The following SHANK2 variants were observed in gnomAD, a reference collection of about 807,000 sequenced individuals.
SHANK2 encodes SH3 and multiple ankyrin repeat domains 2, also known as SH3 and multiple ankyrin repeat domains protein 2.
SHANK2 carries 43 observed loss-of-function variants against 133.7 expected under a neutral mutation model. The ratio of observed to expected loss-of-function variants is 0.32; its 90% CI spans 0.25 to 0.41. The LOEUF is 0.41. SHANK2 is among the 10% of genes least tolerant of loss of function. The pLI, the probability that SHANK2 is intolerant of heterozygous loss-of-function variation, is 1.00. For synonymous variants in SHANK2, 1,017 were observed against 952.8 expected (o/e 1.07, Z -1.24); for missense variants, 1,994 against 2,235.8 (o/e 0.89, Z 2.18).
At chr11:70,806,964 C>A (rs1415763448) in intron 13 of SHANK2, 38 bp downstream of exon 13, 2 of 707,678 alleles carry the variant, frequency 2.8e-6, no homozygotes, top group Admixed American at 4.2e-5. Context: ...CCAGCCTGAC[C>A]TCACTCCAGG....
chr11:70,685,029 C>T (rs1047033735), intron 15 of SHANK2, among the ~76,000 whole-genome samples: 1 of 152,142 alleles, frequency 6.6e-6, no homozygotes, highest in East Asian at 1.9e-4. Flanking sequence ...CTGACCCCAA[C>T]ACCACCTTAG....
chr11:70,876,478 T>C (rs1460148315), intron 11 of SHANK2, among the ~76,000 whole-genome samples: 1 of 150,892 alleles, frequency 6.6e-6, no homozygotes, highest in African/African-American at 2.4e-5. Flanking sequence ...GAAGATGGCA[T>C]GAACCCGGGA....
chr11:71,162,756 C>A (rs1953046348), intron 2 of SHANK2, among the ~76,000 whole-genome samples: 1 of 152,088 alleles, frequency 6.6e-6, no homozygotes, highest in Non-Finnish European at 1.5e-5. Flanking sequence ...CTGATGAGAA[C>A]AAGTGGCAGT....
At chr11:70,833,671 C>G (rs1443815074) in intron 11 of SHANK2, among the ~76,000 whole-genome samples, 1 of 152,276 alleles carries the variant, frequency 6.6e-6, no homozygotes, top group African/African-American at 2.4e-5. Flanking sequence ...ATACTGGGTG[C>G]AGTACTTACG....
At chr11:70,902,164 C>T (rs115256069) in intron 10 of SHANK2, among the ~76,000 whole-genome samples, 3,558 of 152,304 alleles carry the variant, frequency 0.023, 132 homozygotes, top group African/African-American at 0.078. Context: ...GGCGGCCACC[C>T]GGGCAGTGTC....
chr11:70,533,189 T>C (rs575613952), intron 17 of SHANK2, among the ~76,000 whole-genome samples: 17 of 152,358 alleles, frequency 1.1e-4, no homozygotes, highest in African/African-American at 3.8e-4. Context: ...CACCCTGTGA[T>C]TGTGTCGAAT....
rs1951481723 is a variant in SHANK2, at chr11:71,090,168, C to G, written c.912+2254G>C. Among the ~76,000 whole-genome samples, 9 of 114,836 alleles carry G rather than the reference C, an allele frequency of 7.8e-5. No homozygotes were observed. The South Asian group carries it at 2.8e-3, about 36-fold the overall frequency. 75.3% of individuals were successfully genotyped at this position (114,836 alleles called of 152,430 possible). On this transcript the variant is annotated intron_variant, in intron 8 of 25. Coordinates refer to ENST00000601538, the MANE Select transcript of SHANK2 (RefSeq NM_012309.5). ...TCAGCCAGGGTTCTCCAGAGAAACACAACCTGTGTGTGTGTGTGTGTGTGT... is the reference window on the plus strand; with the variant it reads ...TCAGCCAGGGTTCTCCAGAGAAACAGAACCTGTGTGTGTGTGTGTGTGTGT...
chr11:70,675,745 A>C (rs1263321515), intron 15 of SHANK2, among the ~76,000 whole-genome samples: 1 of 152,200 alleles, frequency 6.6e-6, no homozygotes, highest in African/African-American at 2.4e-5. Context: ...GCTCTGTATC[A>C]AAAAATTTGA....
intron 1 of SHANK2, among the ~76,000 whole-genome samples, chr11:71,251,991 G>A (rs1168968675): frequency 1.3e-5 from 2 of 152,098 alleles, no homozygotes; most frequent in African/African-American, 4.8e-5. Flanking sequence ...TCCTAGGGCT[G>A]GCGGGCGGTG....
chr11:70,643,797 C>G (rs2061220852), intron 17 of SHANK2, among the ~76,000 whole-genome samples: 1 of 152,096 alleles, frequency 6.6e-6, no homozygotes, highest in Non-Finnish European at 1.5e-5. Flanking sequence ...AGTCTTTGCT[C>G]TCATAGAGTT....
intron 14 of SHANK2, among the ~76,000 whole-genome samples, chr11:70,708,860 T>C (rs1214911370): frequency 1.3e-5 from 2 of 151,986 alleles, no homozygotes; most frequent in African/African-American, 2.4e-5. Context: ...GAAGAGGGGA[T>C]TGAAAGGCCT....
At chr11:70,498,330 G>C (rs575280947) in intron 21 of SHANK2, among the ~76,000 whole-genome samples, 1 of 152,348 alleles carries the variant, frequency 6.6e-6, no homozygotes, top group South Asian at 2.1e-4. Context: ...TTGCCAGTTG[G>C]CCGGCCTCTT....
At chr11:70,745,051 C>T (rs781938854) in intron 14 of SHANK2, among the ~76,000 whole-genome samples, 9 of 152,222 alleles carry the variant, frequency 5.9e-5, no homozygotes, top group Admixed American at 1.3e-4. Context: ...GCAAACCTCT[C>T]AGCAAAAAGC....
intron 11 of SHANK2, among the ~76,000 whole-genome samples, chr11:70,879,836 G>A (rs1248887379): frequency 2.0e-5 from 3 of 152,204 alleles, no homozygotes; most frequent in South Asian, 2.1e-4. Flanking sequence ...TTCCAGGCCT[G>A]GAGAGCCAGG....
chr11:71,215,301 C>T (rs1346407209), intron 2 of SHANK2, among the ~76,000 whole-genome samples: 3 of 152,168 alleles, frequency 2.0e-5, no homozygotes, highest in Admixed American at 1.3e-4. Context: ...GTCCCCCTGC[C>T]CCCTGCGTCT....
At chr11:70,491,006 C>T (rs1352840798) in intron 22 of SHANK2, among the ~76,000 whole-genome samples, 1 of 152,214 alleles carries the variant, frequency 6.6e-6, no homozygotes, top group Non-Finnish European at 1.5e-5. Context: ...CCAGCTTCCT[C>T]CCTCTTCAGC....
chr11:70,747,096 C>T (rs58651330), intron 14 of SHANK2, among the ~76,000 whole-genome samples: 5 of 151,712 alleles, frequency 3.3e-5, no homozygotes, highest in Admixed American at 6.6e-5. Context: ...ATGGTCCCCA[C>T]GAGTGACTGG....
chr11:70,828,099 T>C (rs1343628925), intron 11 of SHANK2, among the ~76,000 whole-genome samples: 1 of 152,128 alleles, frequency 6.6e-6, no homozygotes, highest in Non-Finnish European at 1.5e-5. Context: ...GGCAACACAG[T>C]GAGACCCCGT....
rs1555156118 is a variant in SHANK2 at position 70,492,419 on chromosome 11, A to G, written c.2355T>C (p.Ala785=). The G allele has an allele frequency of 6.2e-7, 1 of 1,613,918 alleles. No homozygotes were observed. The highest frequency in any genetic ancestry group is 8.5e-7 in the Non-Finnish European group (1 of 1,180,018). Reference sequence around the variant, plus strand: ...CCCTCGGTTCCACAGCCATGTTCTCAGCAGCGCGGGAGGGCTTGGAGGCCG... The same window carrying G: ...CCCTCGGTTCCACAGCCATGTTCTCGGCAGCGCGGGAGGGCTTGGAGGCCG... The part of the protein sequence containing the change: ...IVPASKPSRA[A]ENMAVEPRVA... Residue 785 remains alanine (A), a synonymous_variant, in exon 22 of 26, where the codon GCT becomes GCC. Coordinates refer to ENST00000601538, the MANE Select transcript of SHANK2 (RefSeq NM_012309.5).
Sources: allele counts gnomAD v4.1 joint callset (sites outside exome capture counted in the v4.1 genomes callset), GRCh38; gene constraint gnomAD v4.1.1; transcripts MANE v1.5; gene names NCBI Gene and HGNC (gene_info 2026-07-23, HGNC 2026-07-21).